The following TRERF1 variants were observed in gnomAD, a reference collection of about 807,000 sequenced individuals.
The protein encoded by TRERF1 is transcriptional regulating factor 1, also known as transcriptional-regulating factor 1.
TRERF1 carries 27 observed loss-of-function variants against 122.9 expected under a neutral mutation model. That is an observed-to-expected ratio of 0.22 (90% CI 0.16 to 0.30). The LOEUF is 0.30. TRERF1 is among the 10% of genes least tolerant of loss of function. TRERF1 has a pLI of 1.00. For missense variants in TRERF1, 1,248 were observed against 1,560.3 expected, an observed-to-expected ratio of 0.80 and a Z score of 3.37; for synonymous variants, 636 against 641.7, an observed-to-expected ratio of 0.99 and a Z score of 0.13.
At chr6:42,281,137 G>A (rs976016889) in intron 4 of TRERF1, among the ~76,000 whole-genome samples, 1 of 152,108 alleles carries the variant, frequency 6.6e-6, no homozygotes, top group African/African-American at 2.4e-5. Context: ...AAACCTGTCT[G>A]GACTTGCTCA....
chr6:42,283,565 A>G (rs1006257704), intron 4 of TRERF1, among the ~76,000 whole-genome samples: 3 of 151,306 alleles, frequency 2.0e-5, no homozygotes, highest in African/African-American at 7.3e-5. Flanking sequence ...CCATGTGAAT[A>G]CATTACTTAC....
rs530060269 is a variant in TRERF1 at position 42,262,190 on chromosome 6, C to G, written c.1884+1130G>C. On this transcript the variant is annotated intron_variant, in intron 8 of 17. Coordinates refer to ENST00000372922, the Ensembl canonical transcript of TRERF1. ...CCTGACGGCTTATGAGAATCTTCCC[C>G]CCAGTTCTCCATCAGTTTCTCTTCT... Among the ~76,000 whole-genome samples, 271 of 152,204 alleles carry G rather than the reference C, an allele frequency of 1.8e-3. 1 individual carries two copies. Among genetic ancestry groups the G allele is most frequent in the African/African-American group, 6.0e-3 (251 of 41,522 alleles).
intron 2 of TRERF1, among the ~76,000 whole-genome samples, chr6:42,436,811 AAAAATATATATATATATATATAT>A (rs920448546): frequency 4.1e-4 from 46 of 111,566 alleles, no homozygotes; most frequent in Non-Finnish European, 7.0e-4. Flanking sequence ...AAAAAAAAAA[AAAAATATATATATATATATATAT>A]ATATATATAT....
chr6:42,337,573 A>G (rs889213713), intron 3 of TRERF1, among the ~76,000 whole-genome samples: 2 of 152,182 alleles, frequency 1.3e-5, no homozygotes, highest in African/African-American at 4.8e-5. Context: ...TGAGCCACAG[A>G]CAGGCACGCG....
chr6:42,244,270 C>T (rs1235447470), intron 14 of TRERF1, among the ~76,000 whole-genome samples: 1 of 152,078 alleles, frequency 6.6e-6, no homozygotes, highest in African/African-American at 2.4e-5. Context: ...CCACAACCTC[C>T]ACCTCCTGGG....
chr6:42,228,814 G>A lies in TRERF1; in HGVS notation c.3279-145C>T. On this transcript the variant is annotated intron_variant, in intron 17 of 17. Transcript: ENST00000372922. This position sits in a 1 kb window ranked among gnomAD's most constrained non-coding sequence, Gnocchi z 4.2. ...CTAGGACCTCCTTCCCCTGTGACCT[G>A]TCACCTCTCTTCCTTCCTCTCCAAG... The A allele has an allele frequency of 1.3e-6, 1 of 749,286 alleles. No homozygotes were observed. The highest frequency in any genetic ancestry group is 2.2e-6 in the Non-Finnish European group (1 of 453,770). 46.4% of individuals were successfully genotyped at this position (749,286 alleles called of 1,614,324 possible).
chr6:42,414,165 A>G (rs940753001), intron 2 of TRERF1, among the ~76,000 whole-genome samples: 5 of 152,256 alleles, frequency 3.3e-5, no homozygotes, highest in Non-Finnish European at 7.3e-5. Context: ...CTGAGCAGCA[A>G]CAAGTAAGTG....
At chr6:42,428,785 A>T (rs1008503630) in intron 2 of TRERF1, among the ~76,000 whole-genome samples, 1 of 152,190 alleles carries the variant, frequency 6.6e-6, no homozygotes, top group African/African-American at 2.4e-5. Context: ...TCATTTAGGG[A>T]AATGTTTAGA....
intron 15 of TRERF1, among the ~76,000 whole-genome samples, chr6:42,240,940 T>C (rs1490512128): frequency 6.6e-6 from 1 of 152,184 alleles, no homozygotes. Context: ...TTGCCCAGGC[T>C]GGAGTACGGT....
chr6:42,356,689 C>T (rs545483386), intron 3 of TRERF1, among the ~76,000 whole-genome samples: 1 of 152,280 alleles, frequency 6.6e-6, no homozygotes, highest in African/African-American at 2.4e-5. Context: ...ATTCTCTTGC[C>T]TCAGCCTCCC....
intron 16 of TRERF1, among the ~76,000 whole-genome samples, chr6:42,235,771 A>C (rs1441041366): frequency 1.3e-5 from 2 of 152,216 alleles, no homozygotes; most frequent in Non-Finnish European, 2.9e-5. Context: ...AATAGGTAAA[A>C]TTGCAGGAGG....
At chr6:42,373,962 G>T (rs34158727) in intron 2 of TRERF1, among the ~76,000 whole-genome samples, 1 of 149,566 alleles carries the variant, frequency 6.7e-6, no homozygotes, top group Non-Finnish European at 1.5e-5. Flanking sequence ...GTGAAACCCT[G>T]TCTCTACTAA....
intron 3 of TRERF1, among the ~76,000 whole-genome samples, chr6:42,308,566 C>T (rs752827607): frequency 6.6e-5 from 10 of 152,142 alleles, no homozygotes; most frequent in Non-Finnish European, 1.5e-4. Flanking sequence ...ATGCAGGAAA[C>T]GCCAATGACT....
Position 42,269,811 on chromosome 6 carries a change from G to C in TRERF1, c.-221C>G. 7.6e-7 allele frequency: 1 copy of C among 1,321,870 alleles called. No homozygotes were observed. The highest frequency in any genetic ancestry group is 1.0e-6 in the Non-Finnish European group (1 of 1,000,472). 81.9% of individuals were successfully genotyped at this position (1,321,870 alleles called of 1,614,324 possible). On this transcript the variant is annotated 5_prime_UTR_variant, in exon 5 of 18. Transcript: ENST00000372922. The surrounding 1 kb of genome is among the most constrained non-coding windows in gnomAD (Gnocchi z 4.9). Reference sequence around the variant, plus strand: ...ACATCCTCTCCCTGGCTGAGGTATAGACCACACAGCACTGTGGTGAGGAGA... The same window carrying C: ...ACATCCTCTCCCTGGCTGAGGTATACACCACACAGCACTGTGGTGAGGAGA...
intron 2 of TRERF1, among the ~76,000 whole-genome samples, chr6:42,399,062 C>T (rs1010625177): frequency 1.3e-5 from 2 of 152,164 alleles, no homozygotes; most frequent in African/African-American, 4.8e-5. Context: ...GAGATTTAAC[C>T]AGATGGAAGG....
intron 8 of TRERF1, among the ~76,000 whole-genome samples, chr6:42,262,609 C>CAGAG (rs878980808): frequency 0.066 from 1,252 of 18,992 alleles, 339 homozygotes; most frequent in South Asian, 0.13. Context: ...GACAGACAGA[C>CAGAG]GGAAACCCTT....
chr6:42,316,018 C>T (rs917685327), intron 3 of TRERF1, among the ~76,000 whole-genome samples: 2 of 152,136 alleles, frequency 1.3e-5, no homozygotes, highest in African/African-American at 4.8e-5. Flanking sequence ...TTTGGTTCTT[C>T]CTGCAGAATG....
chr6:42,436,447 A>C (rs1048352274), intron 2 of TRERF1, among the ~76,000 whole-genome samples: 1 of 152,154 alleles, frequency 6.6e-6, no homozygotes, highest in African/African-American at 2.4e-5. Flanking sequence ...AATCACATTC[A>C]AAAGAACCCT....
Position 42,269,864 on chromosome 6 carries a change from C to CA in TRERF1, c.-258-17dup. The CA allele has an allele frequency of 1.6e-6, 1 of 613,378 alleles. No homozygotes were observed. Among genetic ancestry groups the CA allele is most frequent in the Middle Eastern group, 5.0e-4 (1 of 2,016 alleles). The allele number at this position is 613,378 out of a possible 1,614,324, so 38.0% of individuals were successfully genotyped here. A position where few individuals can be genotyped will look rare whatever the true frequency, so the allele number is the denominator to read the frequency against. ...TCGCTCACACCTGCAAGGCAAGATG[C>CA]AAAAGACAGGAAAGGATTTATTTGG... On this transcript the variant is annotated splice_polypyrimidine_tract_variant and intron_variant, in intron 4 of 17. Transcript: ENST00000372922. This position sits in a 1 kb window ranked among gnomAD's most constrained non-coding sequence, Gnocchi z 4.9.
Sources: gnomAD v4.1 joint callset for allele counts (sites outside exome capture counted in the v4.1 genomes callset) on GRCh38, gnomAD v4.1.1 for gene constraint, Gnocchi (gnomAD v3.1) non-coding constraint, MANE v1.5 for transcripts, NCBI Gene and HGNC (gene_info 2026-07-23, HGNC 2026-07-21) for gene names.